The following DMD variants were observed in gnomAD, a reference collection of about 807,000 sequenced individuals.
The protein encoded by DMD is dystrophin, also known as mutant dystrophin.
A neutral mutation model predicts 330.1 loss-of-function variants in DMD; 63 were observed. The ratio of observed to expected loss-of-function variants is 0.19; its 90% confidence interval spans 0.16 to 0.24. The LOEUF is 0.24. Among genes scored for constraint, DMD ranks in the 10% least tolerant of loss-of-function variants. The pLI is 1.00. For synonymous variants in DMD, 1,223 were observed against 959.8 expected, an observed-to-expected ratio of 1.27 and a Z score of -5.07; for missense variants, 3,344 against 2,684.1, an observed-to-expected ratio of 1.25 and a Z score of -5.43.
Position 32,534,863 on chromosome X carries a change from C to T in DMD, c.2168+10296G>A, listed in dbSNP as rs762950326. ...AGGGAGGACACAATTCAGGCCATCCCAGCCTGGCATCATTTTTATATCTCT... is the reference window on the plus strand; with the variant it reads ...AGGGAGGACACAATTCAGGCCATCCTAGCCTGGCATCATTTTTATATCTCT... On this transcript the variant is annotated intron_variant, in intron 17 of 78. Transcript: ENST00000357033. 9.9e-5 allele frequency among the ~76,000 whole-genome samples: 11 copies of T among 110,812 alleles called. No homozygotes were observed. In the East Asian group the frequency reaches 2.3e-3, roughly 23 times the overall value.
chrX:32,792,712 A>G (rs2075909538), intron 7 of DMD, among the ~76,000 whole-genome samples: 1 of 112,379 alleles, frequency 8.9e-6, no homozygotes, highest in Non-Finnish European at 1.9e-5. Flanking sequence ...AGTAAAAACA[A>G]ACAATAAGGT....
intron 43 of DMD, among the ~76,000 whole-genome samples, chrX:32,262,179 G>A (rs1031338104): frequency 2.7e-5 from 3 of 112,002 alleles, no homozygotes; most frequent in African/African-American, 9.7e-5. Context: ...TTCTTAATGT[G>A]TGTAATCACA....
chrX:32,184,192 T>C (rs974264905), intron 44 of DMD, among the ~76,000 whole-genome samples: 2 of 110,905 alleles, frequency 1.8e-5, no homozygotes, highest in Admixed American at 1.9e-4. Context: ...CTGTAAGTCC[T>C]AAATGTAAAA....
chrX:32,240,860 T>A (rs929878093), intron 43 of DMD, among the ~76,000 whole-genome samples: 2 of 111,539 alleles, frequency 1.8e-5, no homozygotes, highest in Non-Finnish European at 3.8e-5. Flanking sequence ...TACCCTGAGC[T>A]GGGGACATGA....
chrX:33,010,302 A>G (rs1166788371), intron 2 of DMD, among the ~76,000 whole-genome samples: 1 of 107,986 alleles, frequency 9.3e-6, no homozygotes, highest in Non-Finnish European at 1.9e-5. Flanking sequence ...AAATATGTAT[A>G]TATGTACATA....
At chrX:32,525,791 C>G (rs911247415) in intron 17 of DMD, among the ~76,000 whole-genome samples, 79 of 111,593 alleles carry the variant, frequency 7.1e-4, no homozygotes, top group Admixed American at 9.6e-4. Context: ...ATACTTTGCA[C>G]TAAGTGAGCC....
intron 1 of DMD, among the ~76,000 whole-genome samples, chrX:33,072,655 C>T (rs1486629093): frequency 9.0e-6 from 1 of 111,352 alleles, no homozygotes; most frequent in Admixed American, 9.6e-5. Context: ...GTCATAAGGC[C>T]TCCAAGGGTG....
At chrX:31,147,559 AAAAAG>A in intron 74 of DMD, 41 bp from the exon 75 acceptor site, 1 of 1,042,081 alleles carries the variant, frequency 9.6e-7, no homozygotes, top group African/African-American at 1.9e-5. Context: ...AAAAAGAAAG[AAAAAG>A]AAAAAGAAGA....
intron 43 of DMD, among the ~76,000 whole-genome samples, chrX:32,280,727 A>T (rs1467645907): frequency 8.9e-6 from 1 of 111,995 alleles, no homozygotes; most frequent in Non-Finnish European, 1.9e-5. Context: ...CTGTCCCTCT[A>T]GCTTCCACTT....
intron 2 of DMD, among the ~76,000 whole-genome samples, chrX:32,948,257 T>A (rs1254614297): frequency 9.0e-6 from 1 of 111,367 alleles, no homozygotes; most frequent in African/African-American, 3.3e-5. Flanking sequence ...GCCTCCTCTT[T>A]GAATAAATCA....
chrX:32,085,609 TATATATACGTATATATATACAC>T (rs1414839058), intron 44 of DMD, among the ~76,000 whole-genome samples: 19 of 76,775 alleles, frequency 2.5e-4, no homozygotes, highest in African/African-American at 7.4e-4. Context: ...TATATGTGTA[TATATATACGTATATATATACAC>T]ATATATACGT....
At chrX:31,241,901 C>T (rs1334368045) in intron 63 of DMD, among the ~76,000 whole-genome samples, 1 of 111,345 alleles carries the variant, frequency 9.0e-6, no homozygotes, top group African/African-American at 3.3e-5. Context: ...ATGTAAATTT[C>T]TCACTCTATA....
chrX:31,650,478 G>A, intron 54 of DMD, among the ~76,000 whole-genome samples: 1 of 111,092 alleles, frequency 9.0e-6, no homozygotes, highest in Non-Finnish European at 1.9e-5. Context: ...AACAATTATT[G>A]AGTACAATTA....
intron 1 of DMD, among the ~76,000 whole-genome samples, chrX:33,258,288 A>C (rs1332991985): frequency 9.0e-6 from 1 of 111,235 alleles, no homozygotes; most frequent in Admixed American, 9.6e-5. Context: ...GTTTTACACA[A>C]TGTCATTTAT....
chrX:31,898,744 A>G (rs2094382834), intron 47 of DMD, among the ~76,000 whole-genome samples: 1 of 112,330 alleles, frequency 8.9e-6, no homozygotes, highest in Non-Finnish European at 1.9e-5. Flanking sequence ...TTTACCCTTT[A>G]CATGCCATTA....
intron 11 of DMD, among the ~76,000 whole-genome samples, chrX:32,628,258 ATTTTTTTTTTTTTT>A (rs1170760390): frequency 9.1e-4 from 14 of 15,353 alleles, no homozygotes; most frequent in Non-Finnish European, 1.3e-3. Flanking sequence ...AGTTGTTTTA[ATTTTTTTTTTTTTT>A]TTTTTTTTTT....
At chrX:32,213,442 T>C (rs1283537882) in intron 44 of DMD, among the ~76,000 whole-genome samples, 1 of 112,284 alleles carries the variant, frequency 8.9e-6, no homozygotes, top group Non-Finnish European at 1.9e-5. Context: ...TAACCTAAGG[T>C]ACATTATGTG....
chrX:32,579,996 G>T, intron 13 of DMD, among the ~76,000 whole-genome samples: 1 of 100,625 alleles, frequency 9.9e-6, no homozygotes, highest in African/African-American at 3.8e-5. Flanking sequence ...TTCTTTGCAG[G>T]ATATTATTTA....
At position 31,478,313 on chromosome X, in the gene DMD, C is replaced by T. The variant is rs1603223043; in HGVS notation, c.8730G>A (p.Glu2910=). 3 of 1,211,542 alleles carry T rather than the reference C, an allele frequency of 2.5e-6. No homozygotes were observed. In the South Asian group the frequency reaches 5.3e-5, roughly 21 times the overall value. The change falls in exon 59 of 79, where the codon GAG becomes GAA. Residue 2910 remains glutamate (E), a synonymous_variant. Coordinates refer to ENST00000357033, the MANE Select transcript of DMD (RefSeq NM_004006.3). ...VTRLLRKQAE[E]VNTEWEKLNL... is the part of the protein sequence containing the mutation. ...TCAATTTTTCCCACTCAGTATTGAC[C>T]TCCTCAGCCTGCTTTCGTAGAAGCC...
Sources: gnomAD v4.1 joint callset for allele counts (sites outside exome capture counted in the v4.1 genomes callset) on GRCh38, gnomAD v4.1.1 for gene constraint, MANE v1.5 for transcripts, NCBI Gene and HGNC (gene_info 2026-07-23, HGNC 2026-07-21) for gene names.